The following ATXN7L1 variants were observed in gnomAD, a reference collection of about 807,000 sequenced individuals.
The protein encoded by ATXN7L1 is ataxin-7-like protein 1.
In ATXN7L1, 15 loss-of-function variants were observed where a neutral mutation model predicts 70.8. The observed-to-expected ratio is 0.21, with a 90% CI of 0.14 to 0.33. ATXN7L1 has a LOEUF of 0.33. Ranked by LOEUF, ATXN7L1 falls within the 10% of genes least tolerant of loss-of-function variation. ATXN7L1 has a pLI of 1.00. For synonymous variants in ATXN7L1, 440 were observed against 445.1 expected (o/e 0.99, Z 0.14); for missense variants, 975 against 1,097.1 (o/e 0.89, Z 1.57).
rs369932885 is a variant in ATXN7L1, at chr7:105,730,912, C to A, written c.355+57692G>T. 1.3e-4 allele frequency among the ~76,000 whole-genome samples: 20 copies of A among 152,098 alleles called. 1 individual carries two copies. Among genetic ancestry groups the A allele is most frequent in the East Asian group, 3.9e-4 (2 of 5,192 alleles). ...TGGTTCAAGAATTGTAGCAGATGTA[C>A]CACACTAATGTAAGACGTTAATTAT... On this transcript the variant is annotated intron_variant, in intron 3 of 11. Transcript: ENST00000419735.
At chr7:105,660,149 G>C (rs918920641) in intron 4 of ATXN7L1, among the ~76,000 whole-genome samples, 1 of 152,016 alleles carries the variant, frequency 6.6e-6, no homozygotes, top group Non-Finnish European at 1.5e-5. Context: ...CCTGGATCCA[G>C]GCTGTCACCA....
At chr7:105,786,056 C>T (rs1451390154) in intron 3 of ATXN7L1, among the ~76,000 whole-genome samples, 1 of 152,218 alleles carries the variant, frequency 6.6e-6, no homozygotes, top group Non-Finnish European at 1.5e-5. Flanking sequence ...CTGCTTTGCA[C>T]TCTCTGGGTC....
chr7:105,826,319 A>G (rs926260601), intron 2 of ATXN7L1, among the ~76,000 whole-genome samples: 6 of 152,224 alleles, frequency 3.9e-5, no homozygotes, highest in African/African-American at 1.4e-4. Context: ...TGGTTGAGCA[A>G]GACACTTTGA....
chr7:105,845,408 T>C (rs574225838), intron 2 of ATXN7L1, among the ~76,000 whole-genome samples: 3 of 151,700 alleles, frequency 2.0e-5, no homozygotes, highest in African/African-American at 4.8e-5. Context: ...TCTAAGTAAA[T>C]ACAAAGCCTT....
intron 2 of ATXN7L1, among the ~76,000 whole-genome samples, chr7:105,797,495 A>G (rs1247069827): frequency 2.6e-5 from 4 of 152,246 alleles, no homozygotes; most frequent in Admixed American, 6.5e-5. Flanking sequence ...GGTCTCGCCC[A>G]GAGTTGAGAA....
At chr7:105,663,347 C>G (rs972433683) in intron 4 of ATXN7L1, among the ~76,000 whole-genome samples, 1 of 152,236 alleles carries the variant, frequency 6.6e-6, no homozygotes, top group African/African-American at 2.4e-5. Context: ...CACCTTTCCA[C>G]TCCATCACAA....
chr7:105,726,550 TG>T lies in ATXN7L1; in HGVS notation c.356-61263del, dbSNP rs781365524. On this transcript the variant is annotated intron_variant, in intron 3 of 11. Transcript: ENST00000419735. ...TCTCCTTAGTGCTGGGCTTCATGCT[TG>T]GCACCCAACACACACTCAGCCAAAT... Among the ~76,000 whole-genome samples, 8 of 152,242 alleles carry T rather than the reference TG, an allele frequency of 5.3e-5. No homozygotes were observed. The South Asian group carries it at 1.7e-3, about 32-fold the overall frequency.
chr7:105,709,618 G>A (rs930724356), intron 3 of ATXN7L1, among the ~76,000 whole-genome samples: 1 of 152,064 alleles, frequency 6.6e-6, no homozygotes, highest in Non-Finnish European at 1.5e-5. Context: ...AGCCTGCTGA[G>A]ATTATTCAAA....
At chr7:105,774,148 T>C (rs1041214885) in intron 3 of ATXN7L1, among the ~76,000 whole-genome samples, 2 of 152,118 alleles carry the variant, frequency 1.3e-5, no homozygotes, top group African/African-American at 4.8e-5. Context: ...TAGGGACCCA[T>C]GGGTTTGTTG....
At chr7:105,871,368 C>T (rs1818238378) in intron 2 of ATXN7L1, among the ~76,000 whole-genome samples, 3 of 152,144 alleles carry the variant, frequency 2.0e-5, no homozygotes, top group Admixed American at 2.0e-4. Context: ...CTAAGCATAT[C>T]CACCCATGGA....
At chr7:105,649,731 T>A (rs1489827087) in intron 4 of ATXN7L1, among the ~76,000 whole-genome samples, 1 of 152,270 alleles carries the variant, frequency 6.6e-6, no homozygotes. Context: ...TCTCTAGGTC[T>A]GCAGAAATTA....
At chr7:105,637,924 A>G (rs1416532365) in intron 7 of ATXN7L1, among the ~76,000 whole-genome samples, 8 of 152,190 alleles carry the variant, frequency 5.3e-5, no homozygotes, top group Non-Finnish European at 1.0e-4. Context: ...CTAACGACCT[A>G]TTCACCTGGG....
At chr7:105,702,862 T>G (rs996063168) in intron 3 of ATXN7L1, among the ~76,000 whole-genome samples, 1 of 152,108 alleles carries the variant, frequency 6.6e-6, no homozygotes, top group Non-Finnish European at 1.5e-5. Flanking sequence ...CTCATGCCTG[T>G]AATCCCAGCA....
chr7:105,867,850 G>A (rs1174590799), intron 2 of ATXN7L1, among the ~76,000 whole-genome samples: 1 of 152,208 alleles, frequency 6.6e-6, no homozygotes, highest in Non-Finnish European at 1.5e-5. Context: ...ATTTTTGGTT[G>A]TCTAAACTTG....
At chr7:105,855,841 G>A (rs1772061055) in intron 2 of ATXN7L1, among the ~76,000 whole-genome samples, 1 of 152,042 alleles carries the variant, frequency 6.6e-6, no homozygotes, top group African/African-American at 2.4e-5. Context: ...ATTGTATTAG[G>A]TATTATAAGT....
intron 3 of ATXN7L1, among the ~76,000 whole-genome samples, chr7:105,786,560 G>T (rs1804334203): frequency 1.3e-5 from 2 of 152,110 alleles, no homozygotes; most frequent in African/African-American, 4.8e-5. Flanking sequence ...TTGCTCTGTT[G>T]CCCAGAATGG....
chr7:105,866,269 C>T (rs1438565138), intron 2 of ATXN7L1, among the ~76,000 whole-genome samples: 2 of 152,110 alleles, frequency 1.3e-5, no homozygotes, highest in African/African-American at 4.8e-5. Flanking sequence ...AGCCTGTCAT[C>T]GACTCACTTT....
chr7:105,658,864 C>T (rs1232814341), intron 4 of ATXN7L1, among the ~76,000 whole-genome samples: 1 of 150,408 alleles, frequency 6.6e-6, no homozygotes, highest in Non-Finnish European at 1.5e-5. Context: ...AATTTCATGA[C>T]TGGGCATGGT....
chr7:105,671,153 G>C (rs1337852356), intron 3 of ATXN7L1, among the ~76,000 whole-genome samples: 1 of 148,478 alleles, frequency 6.7e-6, no homozygotes, highest in Non-Finnish European at 1.5e-5. Context: ...TGTGGTGGCG[G>C]GTGCCTGTAA....
Sources: gnomAD v4.1 joint callset for allele counts (sites outside exome capture counted in the v4.1 genomes callset) on GRCh38, gnomAD v4.1.1 for gene constraint, MANE v1.5 for transcripts, NCBI Gene and HGNC (gene_info 2026-07-23, HGNC 2026-07-21) for gene names.